The following ZNF804A variants were observed in gnomAD, a reference collection of about 807,000 sequenced individuals.
ZNF804A encodes the protein zinc finger protein 804A.
Under a neutral mutation model 16.5 loss-of-function variants are expected in ZNF804A, and 2 were observed. The ratio of observed to expected loss-of-function variants is 0.12; its 90% confidence interval spans 0.05 to 0.38. The LOEUF (loss-of-function observed/expected upper bound fraction) is 0.38, where lower values mean the gene tolerates loss of function less well. ZNF804A is among the 10% of genes least tolerant of loss of function. The probability of loss-of-function intolerance (pLI) is 0.99; values close to 1 mark genes in which losing one functional copy is unlikely to be tolerated. For missense variants in ZNF804A, 1,473 were observed against 1,390.7 expected (o/e 1.06, Z -0.94); for synonymous variants, 534 against 489.6 (o/e 1.09, Z -1.20).
At chr2:184,636,233 A>T (rs2105689830) in intron 1 of ZNF804A, among the ~76,000 whole-genome samples, 1 of 151,952 alleles carries the variant, frequency 6.6e-6, no homozygotes, top group South Asian at 2.1e-4. Context: ...CTTTTTTTTT[A>T]ATGTTTCTCC....
chr2:184,740,754 C>T (rs1693698517), intron 1 of ZNF804A, among the ~76,000 whole-genome samples: 1 of 152,014 alleles, frequency 6.6e-6, no homozygotes, highest in African/African-American at 2.4e-5. Context: ...TGTTGAAAGT[C>T]ATGAAGTCGA....
intron 1 of ZNF804A, among the ~76,000 whole-genome samples, chr2:184,710,683 G>A (rs1221510973): frequency 1.3e-5 from 2 of 151,556 alleles, no homozygotes; most frequent in African/African-American, 4.8e-5. Context: ...TCTCACTGCA[G>A]CCCCTAGCAG....
At position 184,862,865 on chromosome 2, in the gene ZNF804A, C is replaced by T. The variant is rs571706675; in HGVS notation, c.112-3504C>T. 1.4e-3 allele frequency among the ~76,000 whole-genome samples: 218 copies of T among 152,106 alleles called. 1 individual carries two copies. The highest frequency in any genetic ancestry group is 4.8e-3 in the African/African-American group (198 of 41,524). Reference sequence around the variant, plus strand: ...AATTGGAGCTATTTGCACACACTGACTGGGATATTTGATGACAATAAAAAA... The same window carrying T: ...AATTGGAGCTATTTGCACACACTGATTGGGATATTTGATGACAATAAAAAA... On this transcript the variant is annotated intron_variant, in intron 1 of 3. Coordinates refer to ENST00000302277, the MANE Select transcript of ZNF804A (RefSeq NM_194250.2).
intron 1 of ZNF804A, among the ~76,000 whole-genome samples, chr2:184,754,070 G>A (rs1051261508): frequency 6.6e-6 from 1 of 151,396 alleles, no homozygotes; most frequent in Admixed American, 6.6e-5. Context: ...ATTAAATATA[G>A]CATCCTATAT....
intron 1 of ZNF804A, among the ~76,000 whole-genome samples, chr2:184,603,147 C>A (rs757933874): frequency 5.3e-5 from 8 of 152,082 alleles, no homozygotes; most frequent in Non-Finnish European, 4.4e-5. Flanking sequence ...ATTTACTAAT[C>A]GGTTCACAAA....
intron 1 of ZNF804A, among the ~76,000 whole-genome samples, chr2:184,798,006 ATGTGTG>A (rs58199746): frequency 0.014 from 1,880 of 133,300 alleles, 27 homozygotes; most frequent in African/African-American, 0.035. Context: ...TGGCTGATAT[ATGTGTG>A]TGTGTGTGTG....
At chr2:184,810,878 G>A (rs1694888159) in intron 1 of ZNF804A, among the ~76,000 whole-genome samples, 1 of 152,128 alleles carries the variant, frequency 6.6e-6, no homozygotes, top group African/African-American at 2.4e-5. Flanking sequence ...CGTAGAAATA[G>A]TGTTTAAATG....
intron 1 of ZNF804A, among the ~76,000 whole-genome samples, chr2:184,717,233 A>G (rs900118489): frequency 6.6e-6 from 1 of 152,160 alleles, no homozygotes; most frequent in African/African-American, 2.4e-5. Context: ...TTGTGCAGCA[A>G]CTGCCCTGAA....
Position 184,599,082 on chromosome 2 carries a change from T to C in ZNF804A, c.111+12T>C. ...GGAACAAAACTCTGGTAATCGCTTC[T>C]GTTTTCCTCTCTCTCTCTCTCATAT... On this transcript the variant is annotated intron_variant, in intron 1 of 3. Coordinates refer to ENST00000302277, the MANE Select transcript of ZNF804A (RefSeq NM_194250.2). The C allele has an allele frequency of 6.4e-7, 1 of 1,559,160 alleles. No homozygotes were observed. Among genetic ancestry groups the C allele is most frequent in the Non-Finnish European group, 8.8e-7 (1 of 1,139,720 alleles).
rs370996877 is a variant in ZNF804A at position 184,661,186 on chromosome 2, C to T, written c.111+62116C>T. On this transcript the variant is annotated intron_variant, in intron 1 of 3. Transcript: ENST00000302277. The stretch of plus-strand genomic sequence containing the variant: ...ATGGCGTCCAGTGGCTTTTTCTCTT[C>T]CATTTATTAAGTGAAAAGGAGAGTT... 1.3e-3 allele frequency among the ~76,000 whole-genome samples: 201 copies of T among 152,186 alleles called. 1 individual carries two copies. Among genetic ancestry groups the T allele is most frequent in the African/African-American group, 4.7e-3 (197 of 41,522 alleles).
At chr2:184,865,172 G>T (rs192364419) in intron 1 of ZNF804A, among the ~76,000 whole-genome samples, 2 of 151,964 alleles carry the variant, frequency 1.3e-5, no homozygotes, top group African/African-American at 2.4e-5. Context: ...GAGCCACGGC[G>T]CCAGGCCTAG....
At chr2:184,704,399 G>A (rs971941789) in intron 1 of ZNF804A, among the ~76,000 whole-genome samples, 1 of 151,992 alleles carries the variant, frequency 6.6e-6, no homozygotes, top group East Asian at 1.9e-4. Context: ...TGATCCACCC[G>A]CCTCAGCCTC....
At chr2:184,631,420 G>A (rs1274687896) in intron 1 of ZNF804A, among the ~76,000 whole-genome samples, 1 of 151,968 alleles carries the variant, frequency 6.6e-6, no homozygotes, top group African/African-American at 2.4e-5. Context: ...TGTTATGCCG[G>A]CTTCATTAAT....
chr2:184,880,581 T>C (rs1272011169), intron 2 of ZNF804A, among the ~76,000 whole-genome samples: 1 of 152,132 alleles, frequency 6.6e-6, no homozygotes, highest in East Asian at 1.9e-4. Context: ...TAGTAATCAA[T>C]TATTCTGTGG....
intron 1 of ZNF804A, among the ~76,000 whole-genome samples, chr2:184,787,060 C>G (rs1228637230): frequency 1.3e-5 from 2 of 151,742 alleles, no homozygotes; most frequent in Non-Finnish European, 2.9e-5. Flanking sequence ...TACCCTTCAC[C>G]CAAATATTGA....
intron 2 of ZNF804A, among the ~76,000 whole-genome samples, chr2:184,917,807 A>T (rs961743680): frequency 5.3e-5 from 8 of 151,980 alleles, no homozygotes; most frequent in African/African-American, 1.9e-4. Context: ...ACACACACAC[A>T]CACACACACA....
chr2:184,661,130 A>G (rs1259331638), intron 1 of ZNF804A, among the ~76,000 whole-genome samples: 2 of 152,228 alleles, frequency 1.3e-5, no homozygotes, highest in African/African-American at 2.4e-5. Context: ...TTAGAAATGT[A>G]TAGTATTTGT....
At chr2:184,916,858 A>G (rs1457895435) in intron 2 of ZNF804A, among the ~76,000 whole-genome samples, 4 of 152,120 alleles carry the variant, frequency 2.6e-5, no homozygotes, top group Non-Finnish European at 5.9e-5. Flanking sequence ...AAACAAAAAA[A>G]CAAAACAAAA....
intron 1 of ZNF804A, among the ~76,000 whole-genome samples, chr2:184,740,805 AT>A (rs1468158146): frequency 3.3e-5 from 5 of 152,180 alleles, no homozygotes; most frequent in Non-Finnish European, 7.4e-5. Context: ...ATAAAAATTC[AT>A]TAAGATTAGG....
Sources: gnomAD v4.1 joint callset for allele counts (sites outside exome capture counted in the v4.1 genomes callset) on GRCh38, gnomAD v4.1.1 for gene constraint, MANE v1.5 for transcripts, NCBI Gene and HGNC (gene_info 2026-07-23, HGNC 2026-07-21) for gene names.